The following VPS41 variants were observed in gnomAD, a reference collection of about 807,000 sequenced individuals.
VPS41 encodes the protein VPS41 subunit of HOPS complex.
VPS41 carries 85 observed loss-of-function variants against 130.9 expected under a neutral mutation model. That is an observed-to-expected ratio of 0.65 (90% CI 0.55 to 0.78). The LOEUF is 0.78. VPS41 is among the 30% of genes least tolerant of loss of function. The pLI, the probability that VPS41 is intolerant of heterozygous loss-of-function variation, is 0.00. For synonymous variants in VPS41, 335 were observed against 332.9 expected, an observed-to-expected ratio of 1.01 and a Z score of -0.07; for missense variants, 874 against 1,018.7, an observed-to-expected ratio of 0.86 and a Z score of 1.93.
intron 25 of VPS41, among the ~76,000 whole-genome samples, chr7:38,730,845 T>C (rs1475676228): frequency 2.0e-5 from 3 of 152,078 alleles, no homozygotes; most frequent in African/African-American, 7.2e-5. Context: ...TGGCATGAAT[T>C]ATATAAGAGA....
At chr7:38,864,150 C>A (rs574205698) in intron 3 of VPS41, among the ~76,000 whole-genome samples, 1 of 152,088 alleles carries the variant, frequency 6.6e-6, no homozygotes, top group South Asian at 2.1e-4. Flanking sequence ...TCATAAATAC[C>A]GTATTTAGTT....
chr7:38,785,441 TTA>T (rs534310446), intron 10 of VPS41, among the ~76,000 whole-genome samples: 137 of 152,262 alleles, frequency 9.0e-4, no homozygotes, highest in African/African-American at 3.2e-3. Context: ...GAAAACAAAT[TTA>T]GTTTGCAATT....
intron 25 of VPS41, among the ~76,000 whole-genome samples, chr7:38,739,470 T>C (rs768622233): frequency 2.0e-5 from 3 of 152,244 alleles, no homozygotes; most frequent in Non-Finnish European, 4.4e-5. Context: ...GATAGATTTA[T>C]TTTTACAGTG....
chr7:38,772,401 A>T (rs1784170310), intron 13 of VPS41, 121 bp downstream of exon 13: 1 of 629,842 alleles, frequency 1.6e-6, no homozygotes, highest in South Asian at 2.4e-5. Context: ...AACTTCCTAC[A>T]TATTTTTGGC....
At position 38,758,390 on chromosome 7, in the gene VPS41, CTA is replaced by C; in HGVS notation, c.1512_1513del (p.Asp504GlufsTer8). The C allele has an allele frequency of 6.2e-7, 1 of 1,613,400 alleles. No homozygotes were observed. The highest frequency in any genetic ancestry group is 1.1e-5 in the South Asian group (1 of 90,948). ...GGTTTTAAGTAAAGTCTTGTTCTGA[CTA>C]TCTTTCTTCAAATGATCCCGAACTG... On this transcript the variant is annotated frameshift_variant, in exon 18 of 29. Coordinates refer to ENST00000310301, the MANE Select transcript of VPS41 (RefSeq NM_014396.4). LOFTEE classifies it high-confidence loss of function.
At chr7:38,824,452 T>C (rs1251673179) in intron 5 of VPS41, among the ~76,000 whole-genome samples, 1 of 152,200 alleles carries the variant, frequency 6.6e-6, no homozygotes, top group East Asian at 1.9e-4. Context: ...GCAAATACCA[T>C]TATGCCTGTT....
intron 5 of VPS41, among the ~76,000 whole-genome samples, chr7:38,825,203 GGT>G (rs1403827593): frequency 6.6e-6 from 1 of 152,114 alleles, no homozygotes; most frequent in African/African-American, 2.4e-5. Flanking sequence ...AGAACTCTCT[GGT>G]CAGTTTCTAT....
chr7:38,788,960 A>T (rs1275742567), intron 10 of VPS41, among the ~76,000 whole-genome samples: 1 of 152,170 alleles, frequency 6.6e-6, no homozygotes, highest in Non-Finnish European at 1.5e-5. Context: ...AACCCATCAA[A>T]TTGATATTAC....
intron 24 of VPS41, 118 bp downstream of exon 24, chr7:38,743,270 CTGGCCTATTTTTAT>C: frequency 1.0e-6 from 1 of 957,880 alleles, no homozygotes; most frequent in Non-Finnish European, 1.5e-6. Context: ...TACAACACAC[CTGGCCTATTTTTAT>C]TGTAGGTACG....
chr7:38,845,360 A>G (rs73123624), intron 4 of VPS41, among the ~76,000 whole-genome samples: 1 of 152,160 alleles, frequency 6.6e-6, no homozygotes, highest in African/African-American at 2.4e-5. Context: ...ACAAATGTGA[A>G]CCTTGCACTT....
chr7:38,884,646 C>T (rs1230363050), intron 2 of VPS41, among the ~76,000 whole-genome samples: 1 of 152,140 alleles, frequency 6.6e-6, no homozygotes, highest in Non-Finnish European at 1.5e-5. Context: ...TGAGCCACTG[C>T]GCCTGGCCTA....
chr7:38,861,985 G>A (rs1396951236), intron 4 of VPS41, among the ~76,000 whole-genome samples: 1 of 152,166 alleles, frequency 6.6e-6, no homozygotes, highest in African/African-American at 2.4e-5. Context: ...GATCCAGCAA[G>A]GTGATCAATC....
At chr7:38,898,155 G>A (rs1787053829) in intron 1 of VPS41, 26 bp from the exon 2 acceptor site, 2 of 1,600,384 alleles carry the variant, frequency 1.2e-6, no homozygotes, top group Non-Finnish European at 1.7e-6. Flanking sequence ...AAAGAAAATG[G>A]TCAGAAGAGA....
chr7:38,872,668 T>C (rs1786396145), intron 2 of VPS41, among the ~76,000 whole-genome samples: 1 of 152,170 alleles, frequency 6.6e-6, no homozygotes, highest in African/African-American at 2.4e-5. Context: ...GAAAAGGTAG[T>C]GATCATCTAC....
In VPS41 at chr7:38,837,270, G is replaced by T. The variant is rs774551217; in HGVS notation, c.247-6942C>A. 4.6e-5 allele frequency among the ~76,000 whole-genome samples: 7 copies of T among 152,156 alleles called. No individual in the cohort carries two copies. In the East Asian group the frequency reaches 1.3e-3, roughly 29 times the overall value. ...AAAGCAAAAAGACCAATCATTTAGT[G>T]GGTGGGGGCTTTGGGTCAGAGTGGT... On this transcript the variant is annotated intron_variant, in intron 4 of 28. Transcript: ENST00000310301.
At chr7:38,759,715 G>A (rs1783874099) in intron 17 of VPS41, among the ~76,000 whole-genome samples, 2 of 152,062 alleles carry the variant, frequency 1.3e-5, no homozygotes, top group South Asian at 4.2e-4. Flanking sequence ...TCCCCATTCT[G>A]GACTAACTGT....
chr7:38,901,786 C>A (rs1462905382), intron 1 of VPS41, among the ~76,000 whole-genome samples: 1 of 152,046 alleles, frequency 6.6e-6, no homozygotes, highest in African/African-American at 2.4e-5. Context: ...AATCCCAGCA[C>A]TTTGGGAGGC....
At chr7:38,892,336 C>T (rs1331871026) in intron 2 of VPS41, among the ~76,000 whole-genome samples, 1 of 152,142 alleles carries the variant, frequency 6.6e-6, no homozygotes, top group African/African-American at 2.4e-5. Flanking sequence ...TTACCGAAAA[C>T]TTGAAGTCTG....
Position 38,752,654 on chromosome 7 carries a change from C to T in VPS41, c.1789-341G>A, listed in dbSNP as rs76004029. On this transcript the variant is annotated intron_variant, in intron 21 of 28. Transcript: ENST00000310301. ...TTGCCATTACGAAATCACTCAGAAC[C>T]AATGAACTTAGCATACACTAAGAAC... Among the ~76,000 whole-genome samples, 245 of 152,260 alleles carry T rather than the reference C, an allele frequency of 1.6e-3. 1 individual carries two copies. In the East Asian group the frequency reaches 0.045, roughly 28 times the overall value.
Sources: gnomAD v4.1 joint callset for allele counts (sites outside exome capture counted in the v4.1 genomes callset) on GRCh38, gnomAD v4.1.1 for gene constraint, MANE v1.5 for transcripts, NCBI Gene and HGNC (gene_info 2026-07-23, HGNC 2026-07-21) for gene names.